Variants in KCNQ2 observed in about 807,000 individuals in gnomAD.
The protein encoded by KCNQ2 is potassium voltage-gated channel subfamily KQT member 2.
In KCNQ2, 14 loss-of-function variants were observed where a neutral mutation model predicts 84.8. That is an observed-to-expected ratio of 0.17 (90% CI 0.11 to 0.26). The LOEUF is 0.26. Among genes scored for constraint, KCNQ2 ranks in the 10% least tolerant of loss-of-function variants. The pLI, the probability that KCNQ2 is intolerant of heterozygous loss-of-function variation, is 1.00. For synonymous variants in KCNQ2, 599 were observed against 554.1 expected, an observed-to-expected ratio of 1.08 and a Z score of -1.14; for missense variants, 788 against 1,254.0, an observed-to-expected ratio of 0.63 and a Z score of 5.61.
intron 12 of KCNQ2, among the ~76,000 whole-genome samples, chr20:63,417,937 C>T (rs1029159320): frequency 1.3e-5 from 2 of 152,068 alleles, no homozygotes; most frequent in Non-Finnish European, 2.9e-5. Flanking sequence ...GCCCTGGCCT[C>T]GGCGCGGCCC....
intron 5 of KCNQ2, among the ~76,000 whole-genome samples, chr20:63,441,860 G>A (rs906577480): frequency 4.6e-5 from 7 of 152,234 alleles, no homozygotes; most frequent in African/African-American, 9.6e-5. Flanking sequence ...CCACTCAGCC[G>A]GCATGTGCGG....
At chr20:63,410,090 A>C in intron 15 of KCNQ2, 2 of 224,886 alleles carry the variant, frequency 8.9e-6, no homozygotes, top group Non-Finnish European at 1.8e-5. Context: ...TTCATGCTGG[A>C]CTCATGCAAT....
At chr20:63,442,905 C>T (rs969548767) in intron 4 of KCNQ2, among the ~76,000 whole-genome samples, 4 of 35,062 alleles carry the variant, frequency 1.1e-4, no homozygotes, top group South Asian at 1.1e-3. Context: ...ACCATCACCA[C>T]CACCATCACC....
intron 1 of KCNQ2, among the ~76,000 whole-genome samples, chr20:63,458,780 C>G (rs1364038877): frequency 6.6e-6 from 1 of 152,234 alleles, no homozygotes; most frequent in African/African-American, 2.4e-5. Context: ...TGAACCTGCT[C>G]GAGAGCCCAG....
intron 1 of KCNQ2, among the ~76,000 whole-genome samples, chr20:63,466,236 A>C (rs1027040058): frequency 1.4e-4 from 22 of 152,068 alleles, no homozygotes; most frequent in Admixed American, 1.2e-3. Context: ...ACAAACAGGC[A>C]AGCTTCCCAC....
chr20:63,431,061 G>A (rs956440993), intron 9 of KCNQ2, among the ~76,000 whole-genome samples: 2 of 152,200 alleles, frequency 1.3e-5, no homozygotes, highest in Non-Finnish European at 2.9e-5. Flanking sequence ...CTGGCAACAG[G>A]AAGCAGCGGC....
intron 1 of KCNQ2, among the ~76,000 whole-genome samples, chr20:63,468,033 T>C (rs914464): frequency 0.37 from 56,309 of 152,046 alleles, 10,920 homozygotes; most frequent in East Asian, 0.64. Flanking sequence ...TTGACTCCAC[T>C]GTGTAACTAA....
intron 12 of KCNQ2, among the ~76,000 whole-genome samples, chr20:63,416,335 C>T (rs1256819671): frequency 1.3e-5 from 2 of 152,176 alleles, no homozygotes; most frequent in African/African-American, 2.4e-5. Context: ...TGGGTTTGCA[C>T]CCGAGTTCTT....
intron 6 of KCNQ2, among the ~76,000 whole-genome samples, chr20:63,439,086 A>C (rs899146917): frequency 6.6e-6 from 1 of 152,140 alleles, no homozygotes; most frequent in African/African-American, 2.4e-5. Context: ...CCTTCCACAC[A>C]GAAGAGTCTG....
At chr20:63,436,375 C>CA (rs1205696514) in intron 7 of KCNQ2, among the ~76,000 whole-genome samples, 1 of 152,054 alleles carries the variant, frequency 6.6e-6, no homozygotes, top group African/African-American at 2.4e-5. Flanking sequence ...ACTAAAAATA[C>CA]AAAAAATTAG....
Position 63,414,266 on chromosome 20 carries a change from A to G in KCNQ2, c.1526-73T>C. On this transcript the variant is annotated intron_variant, in intron 13 of 16. Transcript: ENST00000359125. The surrounding 1 kb of genome is among the most constrained non-coding windows in gnomAD (Gnocchi z 6.6). ...CTATTCCCGGGGTCCTGCAGGGCAC[A>G]CCGGCTAGACAGAGCGCCAGGGAGC... 9.1e-7 allele frequency: 1 copy of G among 1,103,324 alleles called. No homozygotes were observed. Among genetic ancestry groups the G allele is most frequent in the East Asian group, 2.4e-5 (1 of 41,002 alleles). 68.3% of individuals were successfully genotyped at this position (1,103,324 alleles called of 1,614,324 possible).
chr20:63,443,409 T>TCAC (rs1568937758), intron 4 of KCNQ2, among the ~76,000 whole-genome samples: 8 of 32,114 alleles, frequency 2.5e-4, no homozygotes, highest in African/African-American at 2.2e-3. Flanking sequence ...ATCACCACCA[T>TCAC]CACCATCACC....
chr20:63,442,758 T>TTACCACCACCATTAC (rs2081223668), intron 4 of KCNQ2, among the ~76,000 whole-genome samples: 1 of 34,774 alleles, frequency 2.9e-5, no homozygotes, highest in Admixed American at 3.0e-4. Flanking sequence ...ACCATCACCA[T>TTACCACCACCATTAC]CACCACCATC....
chr20:63,404,350 G>GA lies in KCNQ2; in HGVS notation c.*2293_*2294insT, dbSNP rs2079875132. The GA allele has an allele frequency of 6.8e-6, 1 of 147,616 alleles. No individual in the cohort carries two copies. The highest frequency in any genetic ancestry group is 1.5e-5 in the Non-Finnish European group (1 of 67,602). The allele number at this position is 147,616 out of a possible 1,614,324, so 9.1% of individuals were successfully genotyped here. ...GAAAGAACAGGTGGGGCCACACCTTGGGGGGGGAGGAAAGAGCAGGTGGGG... is the reference window on the plus strand; with the variant it reads ...GAAAGAACAGGTGGGGCCACACCTTGAGGGGGGGAGGAAAGAGCAGGTGGGG... On this transcript the variant is annotated 3_prime_UTR_variant, in exon 17 of 17. Transcript: ENST00000359125.
intron 12 of KCNQ2, among the ~76,000 whole-genome samples, 181 bp from the exon 13 acceptor site, chr20:63,415,307 C>CGGGA (rs1225737103): frequency 5.9e-5 from 7 of 119,264 alleles, no homozygotes; most frequent in African/African-American, 2.1e-4. Flanking sequence ...GAGCACCCGG[C>CGGGA]GGGAGGGAGG....
At chr20:63,430,354 C>T (rs1323500686) in intron 9 of KCNQ2, among the ~76,000 whole-genome samples, 1 of 152,076 alleles carries the variant, frequency 6.6e-6, no homozygotes, top group African/African-American at 2.4e-5. Flanking sequence ...CTGAGCATGT[C>T]GGGGGCAGAG....
intron 9 of KCNQ2, among the ~76,000 whole-genome samples, chr20:63,428,712 C>A (rs987234925): frequency 2.0e-5 from 3 of 152,272 alleles, no homozygotes; most frequent in Middle Eastern, 3.4e-3. Flanking sequence ...CCTGGCCACC[C>A]ATGCAGCCCC....
chr20:63,409,004 C>A (rs1223626138), intron 15 of KCNQ2, among the ~76,000 whole-genome samples: 1 of 152,202 alleles, frequency 6.6e-6, no homozygotes, highest in South Asian at 2.1e-4. Flanking sequence ...TTTACTCCTA[C>A]GTAATGTGCC....
At chr20:63,439,786 C>A in intron 5 of KCNQ2, 78 bp from the exon 6 acceptor site, 1 of 1,105,262 alleles carries the variant, frequency 9.0e-7, no homozygotes, top group East Asian at 2.4e-5. Context: ...GCTGGCGACT[C>A]GGGGCTTGGG....
Sources: allele counts gnomAD v4.1 joint callset (sites outside exome capture counted in the v4.1 genomes callset), GRCh38; gene constraint gnomAD v4.1.1; non-coding constraint Gnocchi (gnomAD v3.1); transcripts MANE v1.5; gene names NCBI Gene and HGNC (gene_info 2026-07-23, HGNC 2026-07-21).